Variants in MID2 observed in about 807,000 individuals in gnomAD.
The protein encoded by MID2 is probable E3 ubiquitin-protein ligase MID2.
MID2 carries 13 observed loss-of-function variants against 46.1 expected under a neutral mutation model. That is an observed-to-expected ratio of 0.28 (90% CI 0.18 to 0.45). MID2 has a LOEUF of 0.45. Among genes scored for constraint, MID2 ranks in the 20% least tolerant of loss-of-function variants. MID2 has a pLI of 1.00. For synonymous variants in MID2, 199 were observed against 212.3 expected (o/e 0.94, Z 0.55); for missense variants, 431 against 575.4 (o/e 0.75, Z 2.57).
intron 3 of MID2, among the ~76,000 whole-genome samples, chrX:107,892,371 G>A (rs1246068372): frequency 1.8e-5 from 2 of 112,063 alleles, no homozygotes; most frequent in Non-Finnish European, 3.8e-5. Flanking sequence ...GGAACAGCCT[G>A]TGCAAACCTC....
At chrX:107,910,422 A>G (rs1400872760) in intron 5 of MID2, among the ~76,000 whole-genome samples, 1 of 111,889 alleles carries the variant, frequency 8.9e-6, no homozygotes, top group Non-Finnish European at 1.9e-5. Context: ...TTAGGTAGAT[A>G]CCATATCTTG....
chrX:107,919,027 T>C (rs1384008993), intron 7 of MID2, among the ~76,000 whole-genome samples: 1 of 110,710 alleles, frequency 9.0e-6, no homozygotes, highest in Non-Finnish European at 1.9e-5. Flanking sequence ...AGACACCCAG[T>C]AGATAATCAT....
intron 3 of MID2, among the ~76,000 whole-genome samples, chrX:107,884,804 CTT>C (rs1201643279): frequency 8.9e-6 from 1 of 111,926 alleles, no homozygotes; most frequent in East Asian, 2.8e-4. Flanking sequence ...GCTTATATGA[CTT>C]TGATAATTTA....
chrX:107,872,286 A>G (rs1932086614), intron 3 of MID2, among the ~76,000 whole-genome samples: 1 of 112,233 alleles, frequency 8.9e-6, no homozygotes. Context: ...TGCATGGACC[A>G]AATATATGTC....
intron 9 of MID2, 84 bp from the exon 10 acceptor site, chrX:107,926,586 AT>A: frequency 1.1e-6 from 1 of 897,510 alleles, no homozygotes; most frequent in Non-Finnish European, 1.6e-6. Flanking sequence ...CATATATCCT[AT>A]TTGTTATATA....
At chrX:107,845,525 A>ACACACACTCTCTCTCTCTCTCTCT (rs1276957001) in intron 2 of MID2, among the ~76,000 whole-genome samples, 4 of 72,980 alleles carry the variant, frequency 5.5e-5, no homozygotes, top group African/African-American at 3.0e-4. Flanking sequence ...ACACACACAC[A>ACACACACTCTCTCTCTCTCTCTCT]CTCTCTCTCT....
intron 3 of MID2, among the ~76,000 whole-genome samples, chrX:107,872,173 G>A (rs763926371): frequency 9.0e-6 from 1 of 111,603 alleles, no homozygotes; most frequent in African/African-American, 3.3e-5. Context: ...TCTACCTAAG[G>A]GTCCCCAGCA....
chrX:107,899,182 T>TCC (rs779172580), intron 3 of MID2, among the ~76,000 whole-genome samples: 626 of 40,492 alleles, frequency 0.015, 17 homozygotes, highest in African/African-American at 0.051. Context: ...CCCCTCCCCC[T>TCC]CCCCCCCCCC....
rs575178955 is a variant in MID2, at chrX:107,929,272, A to G, written c.*2199A>G. Among the ~76,000 whole-genome samples, 1 of 110,665 alleles carries G rather than the reference A, an allele frequency of 9.0e-6. No homozygotes were observed. The highest frequency in any genetic ancestry group is 3.9e-4 in the South Asian group (1 of 2,560). On this transcript the variant is annotated 3_prime_UTR_variant, in exon 10 of 10. Coordinates refer to ENST00000262843, the MANE Select transcript of MID2 (RefSeq NM_012216.4). ...GTCACCTTTGTCTCTTCCCTAGGGC[A>G]TATCCCCAAATTCTTAAACAAAAAA...
At chrX:107,872,020 C>T (rs149356874) in intron 3 of MID2, among the ~76,000 whole-genome samples, 2,255 of 112,189 alleles carry the variant, frequency 0.02, 64 homozygotes, top group African/African-American at 0.069. Flanking sequence ...CAGAATTTCC[C>T]TGCCTCCTGC....
At chrX:107,892,904 T>C (rs1932634332) in intron 3 of MID2, among the ~76,000 whole-genome samples, 1 of 112,823 alleles carries the variant, frequency 8.9e-6, no homozygotes, top group East Asian at 2.8e-4. Context: ...CTCAAACAGG[T>C]AACTGCTCAG....
chrX:107,829,874 T>G (rs1046400996), intron 1 of MID2, among the ~76,000 whole-genome samples: 1 of 112,456 alleles, frequency 8.9e-6, no homozygotes, highest in Non-Finnish European at 1.9e-5. Flanking sequence ...ACTTGATTGC[T>G]TTATGAACAT....
Position 107,841,353 on chromosome X carries a change from G to A in MID2, c.688G>A (p.Ala230Thr), listed in dbSNP as rs1026584998. 15 of 1,200,901 alleles carry A rather than the reference G, an allele frequency of 1.2e-5. No individual in the cohort carries two copies. The highest frequency in any genetic ancestry group is 1.7e-5 in the Non-Finnish European group (15 of 889,653). The part of the protein sequence containing the change: ...LVGRHRDHQV[A>T]SLNDRFEKLK... ...GGGTCGTCACCGAGACCATCAGGTC[G>A]CATCCCTGAATGATCGATTTGAGAA... The change falls in exon 2 of 10, where the codon GCA becomes ACA. Residue 230 changes from alanine to threonine, a missense_variant. By Grantham distance (58) the Ala-to-Thr change is moderately conservative. Coordinates refer to ENST00000262843, the MANE Select transcript of MID2 (RefSeq NM_012216.4).
chrX:107,865,979 A>G (rs1452584504), intron 3 of MID2, among the ~76,000 whole-genome samples: 1 of 112,747 alleles, frequency 8.9e-6, no homozygotes, highest in Non-Finnish European at 1.9e-5. Flanking sequence ...GGACACGAGG[A>G]GGATTAGAGA....
intron 3 of MID2, among the ~76,000 whole-genome samples, chrX:107,891,121 C>A (rs151244156): frequency 9.1e-6 from 1 of 110,038 alleles, no homozygotes; most frequent in Admixed American, 9.7e-5. Context: ...CACCCACTGT[C>A]CTGCACCCTC....
At chrX:107,880,088 G>T (rs1020459401) in intron 3 of MID2, among the ~76,000 whole-genome samples, 3 of 107,705 alleles carry the variant, frequency 2.8e-5, no homozygotes, top group African/African-American at 1.0e-4. Context: ...GACATGAGGT[G>T]GGCCATGCCT....
Position 107,900,079 on chromosome X carries a change from G to T in MID2, c.817-3879G>T, listed in dbSNP as rs753082046. 5.4e-5 allele frequency among the ~76,000 whole-genome samples: 6 copies of T among 111,508 alleles called. No individual in the cohort carries two copies. The South Asian group carries it at 1.5e-3, about 28-fold the overall frequency. ...TCTGGGGTGCTTCTTGACATGAAAAGATTTTAATGTCATTGCTTTACCTTT... is the reference window on the plus strand; with the variant it reads ...TCTGGGGTGCTTCTTGACATGAAAATATTTTAATGTCATTGCTTTACCTTT... On this transcript the variant is annotated intron_variant, in intron 3 of 9. Coordinates refer to ENST00000262843, the MANE Select transcript of MID2 (RefSeq NM_012216.4).
At chrX:107,913,017 C>T (rs1372820375) in intron 5 of MID2, among the ~76,000 whole-genome samples, 1 of 110,565 alleles carries the variant, frequency 9.0e-6, no homozygotes, top group Non-Finnish European at 1.9e-5. Flanking sequence ...AACAAGATCG[C>T]TAATGTTGTG....
At chrX:107,860,446 C>CT (rs1264707537) in intron 3 of MID2, among the ~76,000 whole-genome samples, 2 of 111,515 alleles carry the variant, frequency 1.8e-5, no homozygotes, top group Non-Finnish European at 1.9e-5. Context: ...AGAGAGAGGT[C>CT]TGGGAAAGGG....
Sources: gnomAD v4.1 joint callset for allele counts (sites outside exome capture counted in the v4.1 genomes callset) on GRCh38, gnomAD v4.1.1 for gene constraint, MANE v1.5 for transcripts, NCBI Gene and HGNC (gene_info 2026-07-23, HGNC 2026-07-21) for gene names.